SMARCC2: variants seen among roughly 807,000 people sequenced by gnomAD.
The protein encoded by SMARCC2 is SWI/SNF complex subunit SMARCC2.
A neutral mutation model predicts 151.3 loss-of-function variants in SMARCC2; 15 were observed. The ratio of observed to expected loss-of-function variants is 0.10; its 90% confidence interval spans 0.07 to 0.15. SMARCC2 has a LOEUF of 0.15. Among genes scored for constraint, SMARCC2 ranks in the 10% least tolerant of loss-of-function variants. The pLI, the probability that SMARCC2 is intolerant of heterozygous loss-of-function variation, is 1.00. For synonymous variants in SMARCC2, 590 were observed against 609.5 expected (o/e 0.97, Z 0.47); for missense variants, 1,031 against 1,599.7 (o/e 0.64, Z 6.06).
At position 56,169,785 on chromosome 12, in the gene SMARCC2, C is replaced by T. The variant is rs767633776; in HGVS notation, c.2539G>A (p.Asp847Asn). The T allele has an allele frequency of 3.1e-6, 5 of 1,614,170 alleles. No individual in the cohort carries two copies. The highest frequency in any genetic ancestry group is 4.2e-6 in the Non-Finnish European group (5 of 1,180,036). The change falls in exon 24 of 29, where the codon GAC becomes AAC. Residue 847 changes from aspartate to asparagine, a missense_variant. By Grantham distance (23) the Asp-to-Asn change is conservative. Coordinates refer to ENST00000550164, the MANE Select transcript of SMARCC2 (RefSeq NM_001330288.2). ...SEKESEKSDG[D>N]PIVDPEKEKE... ...CTTGTGGGAGGCTCACCTATTGGGT[C>T]TCCATCACTCTTCTCGGACTCCTTC...
At chr12:56,176,202 T>C (rs1056416982) in intron 15 of SMARCC2, among the ~76,000 whole-genome samples, 1 of 152,206 alleles carries the variant, frequency 6.6e-6, no homozygotes, top group African/African-American at 2.4e-5. Flanking sequence ...ACTCCAACCC[T>C]GCCTGCATGT....
chr12:56,185,935 C>T, intron 3 of SMARCC2: 1 of 537,682 alleles, frequency 1.9e-6, no homozygotes, highest in Non-Finnish European at 3.3e-6. Context: ...CCTAAGAATC[C>T]CTTTTCCTCT....
At position 56,171,227 on chromosome 12, in the gene SMARCC2, G is replaced by C; in HGVS notation, c.2347+44C>G. On this transcript the variant is annotated intron_variant, in intron 22 of 28. Transcript: ENST00000550164. The surrounding 1 kb of genome is among the most constrained non-coding windows in gnomAD (Gnocchi z 4.2). ...TGGCACAGGAGGCCAGGTAGCTCTG[G>C]ATCTTGTGAAAGGCAAGAAATCTGG... The C allele has an allele frequency of 6.2e-7, 1 of 1,604,292 alleles. No homozygotes were observed.
chr12:56,177,598 G>A (rs546414691), intron 15 of SMARCC2, among the ~76,000 whole-genome samples: 32 of 152,144 alleles, frequency 2.1e-4, no homozygotes, highest in Admixed American at 5.2e-4. Flanking sequence ...TATATAAACT[G>A]GTCTTCTATT....
At position 56,187,223 on chromosome 12, in the gene SMARCC2, G is replaced by A; in HGVS notation, c.195C>T (p.Gly65=). 1 of 1,613,920 alleles carries A rather than the reference G, an allele frequency of 6.2e-7. No individual in the cohort carries two copies. The highest frequency in any genetic ancestry group is 8.5e-7 in the Non-Finnish European group (1 of 1,179,892). The change falls in exon 2 of 29, where the codon GGC becomes GGT. Residue 65 remains glycine, a synonymous_variant. Coordinates refer to ENST00000550164, the MANE Select transcript of SMARCC2 (RefSeq NM_001330288.2). ...TGAGCGGTGCATTGCTGACATGTTTGCCAAAAACTTCTTCCTGAAATTGTA... is the reference window on the plus strand; with the variant it reads ...TGAGCGGTGCATTGCTGACATGTTTACCAAAAACTTCTTCCTGAAATTGTA... ...QLLQFQEEVF[G]KHVSNAPLTK... is the part of the protein sequence containing the mutation.
chr12:56,165,328 AGGG>A lies in SMARCC2; in HGVS notation c.3219_3221del (p.Pro1074del), dbSNP rs752001894. ...GAACATAACACTTACCATGGGGTCC[AGGG>A]GGGGGAACCCCTGGTGGGACTGCCC... On this transcript the variant is annotated inframe_deletion, in exon 27 of 29. Transcript: ENST00000550164. 6 of 1,490,942 alleles carry A rather than the reference AGGG, an allele frequency of 4.0e-6. No homozygotes were observed. The Middle Eastern group carries it at 7.7e-4, about 191-fold the overall frequency. The allele number at this position is 1,490,942 out of a possible 1,614,324, so 92.4% of individuals were successfully genotyped here.
In SMARCC2 at chr12:56,189,331, G is replaced by C. The variant is rs766415937; in HGVS notation, c.111+20C>G. Reference sequence around the variant, plus strand: ...TTGTCCCGCCCCCGGTCCCCGCGCGGCCCGGCCCGGCCCGCGTACCTTCTT... The same window carrying C: ...TTGTCCCGCCCCCGGTCCCCGCGCGCCCCGGCCCGGCCCGCGTACCTTCTT... On this transcript the variant is annotated intron_variant, in intron 1 of 28. Coordinates refer to ENST00000550164, the MANE Select transcript of SMARCC2 (RefSeq NM_001330288.2). 6.9e-7 allele frequency: 1 copy of C among 1,450,280 alleles called. No individual in the cohort carries two copies. The highest frequency in any genetic ancestry group is 9.3e-7 in the Non-Finnish European group (1 of 1,074,130). 89.8% of individuals were successfully genotyped at this position (1,450,280 alleles called of 1,614,324 possible).
chr12:56,187,321 G>A lies in SMARCC2; in HGVS notation c.112-15C>T, dbSNP rs569145074. The A allele has an allele frequency of 9.3e-6, 15 of 1,605,800 alleles. No homozygotes were observed. In the East Asian group the frequency reaches 2.7e-4, roughly 29 times the overall value. On this transcript the variant is annotated splice_polypyrimidine_tract_variant and intron_variant, in intron 1 of 28. Coordinates refer to ENST00000550164, the MANE Select transcript of SMARCC2 (RefSeq NM_001330288.2). The stretch of plus-strand genomic sequence containing the variant: ...GCTTGTATATACTAAGGAAAAAGAG[G>A]GAAAGGAAAGAAAAATAGATCTCAG...
intron 11 of SMARCC2, among the ~76,000 whole-genome samples, chr12:56,180,331 G>A (rs1302661879): frequency 6.6e-6 from 1 of 150,940 alleles, no homozygotes; most frequent in Non-Finnish European, 1.5e-5. Flanking sequence ...GGATGGTCTC[G>A]ATCTCCTGAC....
In SMARCC2 at chr12:56,170,226, G is replaced by A. The variant is rs201478956; in HGVS notation, c.2348-18C>T. The A allele has an allele frequency of 7.5e-5, 121 of 1,607,780 alleles. 1 individual carries two copies. In the African/African-American group the frequency reaches 1.3e-3, roughly 17 times the overall value. On this transcript the variant is annotated intron_variant, in intron 22 of 28. Transcript: ENST00000550164. The stretch of plus-strand genomic sequence containing the variant: ...GCTCTCCTCTGGGCCCATGAGAAAA[G>A]AAAGAAAACAGGAAATGTTTAATAC...
chr12:56,172,100 G>A (rs935363478), intron 20 of SMARCC2, 163 bp from the exon 21 acceptor site: 8 of 632,196 alleles, frequency 1.3e-5, no homozygotes, highest in African/African-American at 1.1e-4. Flanking sequence ...ACTAAGAAAG[G>A]ATATGAAGTT....
At chr12:56,186,955 G>C in intron 2 of SMARCC2, 1 of 419,214 alleles carries the variant, frequency 2.4e-6, no homozygotes, top group Non-Finnish European at 4.4e-6. Context: ...CCTGTGGACT[G>C]ATCCCAGGTA....
At chr12:56,165,194 G>C in intron 27 of SMARCC2, 124 bp downstream of exon 27, 1 of 1,222,634 alleles carries the variant, frequency 8.2e-7, no homozygotes, top group Non-Finnish European at 1.1e-6. Flanking sequence ...TAAGAGAGAT[G>C]GGCCCATCTG....
chr12:56,176,810 TTTTTTG>T (rs1386184730), intron 15 of SMARCC2, among the ~76,000 whole-genome samples: 1 of 151,200 alleles, frequency 6.6e-6, no homozygotes, highest in Non-Finnish European at 1.5e-5. Flanking sequence ...CCGGCTAATT[TTTTTTG>T]TTTTTGTTTT....
chr12:56,180,910 G>C, intron 11 of SMARCC2, 67 bp downstream of exon 11: 5 of 1,526,766 alleles, frequency 3.3e-6, no homozygotes, highest in Non-Finnish European at 4.4e-6. Context: ...AGCTCACTTG[G>C]GGTTTGGCAA....
intron 5 of SMARCC2, chr12:56,184,632 T>C (rs1180095744): frequency 1.7e-6 from 1 of 579,086 alleles, no homozygotes; most frequent in African/African-American, 1.9e-5. Context: ...CAACATAGTC[T>C]CTAGAACAGT....
Position 56,164,561 on chromosome 12 carries a change from C to G in SMARCC2, c.3403G>C (p.Asp1135His), listed in dbSNP as rs1362205617. Residue 1135 changes from aspartate to histidine, a missense_variant, in exon 28 of 29, where the codon GAC becomes CAC. Asp to His is a moderately conservative substitution (Grantham distance 81, BLOSUM62 -1). Transcript: ENST00000550164. ...GCGGGGAGGTTAATACTGATGGAGTCAGCTAGACTACCAAATGGGATGATG... is the reference window on the plus strand; with the variant it reads ...GCGGGGAGGTTAATACTGATGGAGTGAGCTAGACTACCAAATGGGATGATG... ...PSIIPFGSLA[D>H]SISINLPAPP... The G allele has an allele frequency of 3.1e-6, 5 of 1,613,926 alleles. No individual in the cohort carries two copies. The highest frequency in any genetic ancestry group is 1.7e-5 in the Admixed American group (1 of 59,992).
chr12:56,172,074 G>A lies in SMARCC2; in HGVS notation c.1927-137C>T, dbSNP rs1874052473. On this transcript the variant is annotated intron_variant, in intron 20 of 28. Coordinates refer to ENST00000550164, the MANE Select transcript of SMARCC2 (RefSeq NM_001330288.2). Reference sequence around the variant, plus strand: ...TTTGTGTACTCTGCTAGGTCCAAGGGGGATCTTGAAGTAGCACTAAGAAAG... The same window carrying A: ...TTTGTGTACTCTGCTAGGTCCAAGGAGGATCTTGAAGTAGCACTAAGAAAG... 3 of 734,670 alleles carry A rather than the reference G, an allele frequency of 4.1e-6. No individual in the cohort carries two copies. The Admixed American group carries it at 9.5e-5, about 23-fold the overall frequency. 45.5% of individuals were successfully genotyped at this position (734,670 alleles called of 1,614,324 possible).
chr12:56,176,353 C>T (rs2135708427), intron 15 of SMARCC2, among the ~76,000 whole-genome samples: 1 of 152,358 alleles, frequency 6.6e-6, no homozygotes, highest in South Asian at 2.1e-4. Context: ...TGTGGAATAG[C>T]TGGGAAGAAA....
Sources: allele counts gnomAD v4.1 joint callset (sites outside exome capture counted in the v4.1 genomes callset), GRCh38; gene constraint gnomAD v4.1.1; non-coding constraint Gnocchi (gnomAD v3.1); transcripts MANE v1.5; gene names NCBI Gene and HGNC (gene_info 2026-07-23, HGNC 2026-07-21).